The following PLPP1 variants were observed in gnomAD, a reference collection of about 807,000 sequenced individuals.
The protein encoded by PLPP1 is lipid phosphate phosphohydrolase 1a.
A neutral mutation model predicts 31.2 loss-of-function variants in PLPP1; 24 were observed. That is an observed-to-expected ratio of 0.77 (90% CI 0.56 to 1.08). The LOEUF is 1.08. PLPP1 is among the 50% of genes least tolerant of loss of function. The probability of loss-of-function intolerance (pLI) is 0.00; values close to 1 mark genes in which losing one functional copy is unlikely to be tolerated. For missense variants in PLPP1, 319 were observed against 342.7 expected, an observed-to-expected ratio of 0.93 and a Z score of 0.55; for synonymous variants, 146 against 126.3, an observed-to-expected ratio of 1.16 and a Z score of -1.05.
At chr5:55,425,838 G>A (rs762194640) in intron 5 of PLPP1, 25 bp downstream of exon 5, 4 of 1,518,250 alleles carry the variant, frequency 2.6e-6, no homozygotes, top group Non-Finnish European at 2.6e-6. Context: ...ATATCAAGAT[G>A]TAGGCTGTTG....
At chr5:55,428,600 A>T (rs1206169673) in intron 4 of PLPP1, among the ~76,000 whole-genome samples, 1 of 152,212 alleles carries the variant, frequency 6.6e-6, no homozygotes, top group Non-Finnish European at 1.5e-5. Context: ...GACTTCCTTT[A>T]AAAGAAAGTC....
intron 3 of PLPP1, among the ~76,000 whole-genome samples, chr5:55,443,192 A>AAAAAAAAAAAAAAAATAT: frequency 7.9e-4 from 20 of 25,420 alleles, no homozygotes; most frequent in South Asian, 2.5e-3. Context: ...AAAAAAAAAA[A>AAAAAAAAAAAAAAAATAT]ATATATATAT....
chr5:55,440,722 T>C (rs1751603080), intron 4 of PLPP1, among the ~76,000 whole-genome samples: 1 of 152,260 alleles, frequency 6.6e-6, no homozygotes, highest in African/African-American at 2.4e-5. Flanking sequence ...TTTTAATGTT[T>C]GGAATTTGTT....
intron 2 of PLPP1, 67 bp from the exon 3 acceptor site, chr5:55,468,216 A>AG (rs1561234766): frequency 1.4e-6 from 2 of 1,382,064 alleles, no homozygotes; most frequent in Admixed American, 2.3e-5. Context: ...AACAAAACAT[A>AG]GGGGGAAAAA....
intron 1 of PLPP1, chr5:55,530,195 A>G (rs1059389): frequency 3.0e-6 from 4 of 1,339,774 alleles, no homozygotes; most frequent in African/African-American, 1.4e-5. Flanking sequence ...CAGCAGTTTG[A>G]CATTGAGTTT....
chr5:55,502,230 T>C (rs1753161392), intron 1 of PLPP1, among the ~76,000 whole-genome samples: 1 of 149,170 alleles, frequency 6.7e-6, no homozygotes. Flanking sequence ...GGCTCATGCC[T>C]GTAATCCCAG....
chr5:55,530,526 A>T, intron 1 of PLPP1: 1 of 1,202,344 alleles, frequency 8.3e-7, no homozygotes, highest in Non-Finnish European at 1.2e-6. Context: ...ATCTTCAGAG[A>T]TCTGAAAGTT....
At chr5:55,485,852 A>T (rs1157045804) in intron 1 of PLPP1, among the ~76,000 whole-genome samples, 1 of 152,178 alleles carries the variant, frequency 6.6e-6, no homozygotes, top group African/African-American at 2.4e-5. Flanking sequence ...AATAAATCAT[A>T]AAACAGTCCC....
At chr5:55,496,065 C>A (rs1379095281) in intron 1 of PLPP1, among the ~76,000 whole-genome samples, 2 of 152,094 alleles carry the variant, frequency 1.3e-5, no homozygotes, top group African/African-American at 4.8e-5. Context: ...ACCATGTTGG[C>A]CAGGCTCATC....
chr5:55,461,928 T>C (rs761758504), intron 3 of PLPP1, among the ~76,000 whole-genome samples: 1 of 151,390 alleles, frequency 6.6e-6, no homozygotes, highest in Non-Finnish European at 1.5e-5. Context: ...TCAAAACAAT[T>C]GGAAATTGAT....
chr5:55,460,309 A>G (rs1403057751), intron 3 of PLPP1, among the ~76,000 whole-genome samples: 2 of 152,212 alleles, frequency 1.3e-5, no homozygotes, highest in Admixed American at 6.5e-5. Flanking sequence ...AGGAGAAAGT[A>G]AATAAAAATA....
rs1561227143 is a variant in PLPP1 at position 55,448,087 on chromosome 5, G to A, written c.492-6179C>T. Among the ~76,000 whole-genome samples, 5 of 152,216 alleles carry A rather than the reference G, an allele frequency of 3.3e-5. No individual in the cohort carries two copies. In the South Asian group the frequency reaches 6.2e-4, roughly 19 times the overall value. On this transcript the variant is annotated intron_variant, in intron 3 of 5. Coordinates refer to ENST00000307259, the MANE Select transcript of PLPP1 (RefSeq NM_003711.4). ...AATGTCCTGTACAAATGCTACAAAT[G>A]GATATATGAGCAATGACCTCTTAAT...
At chr5:55,512,443 C>T (rs1296874561) in intron 1 of PLPP1, among the ~76,000 whole-genome samples, 2 of 145,110 alleles carry the variant, frequency 1.4e-5, no homozygotes, top group East Asian at 4.1e-4. Context: ...TGCACTCCAG[C>T]CTGGGCAACA....
chr5:55,455,069 T>C (rs572136939), intron 3 of PLPP1, among the ~76,000 whole-genome samples: 2 of 152,324 alleles, frequency 1.3e-5, no homozygotes, highest in East Asian at 3.9e-4. Context: ...TTCAATCATA[T>C]ATACTGCAAG....
intron 4 of PLPP1, among the ~76,000 whole-genome samples, chr5:55,432,222 C>T (rs564875748): frequency 6.6e-6 from 1 of 151,936 alleles, no homozygotes; most frequent in Admixed American, 6.6e-5. Flanking sequence ...GGACTACCGG[C>T]ATAAGCTACC....
At chr5:55,434,621 T>C (rs908553767) in intron 4 of PLPP1, among the ~76,000 whole-genome samples, 2 of 151,982 alleles carry the variant, frequency 1.3e-5, no homozygotes, top group African/African-American at 4.8e-5. Flanking sequence ...CAGAAATAAG[T>C]CCACGTATTT....
At chr5:55,437,193 A>C (rs1751511894) in intron 4 of PLPP1, among the ~76,000 whole-genome samples, 1 of 152,250 alleles carries the variant, frequency 6.6e-6, no homozygotes, top group South Asian at 2.1e-4. Flanking sequence ...GAAATTTCTG[A>C]AACATTTAAC....
Position 55,534,827 on chromosome 5 carries a change from C to A in PLPP1, c.-198G>T, listed in dbSNP as rs1352768376. 4 of 546,838 alleles carry A rather than the reference C, an allele frequency of 7.3e-6. No individual in the cohort carries two copies. Among genetic ancestry groups the A allele is most frequent in the Non-Finnish European group, 1.3e-5 (4 of 317,448 alleles). 33.9% of individuals were successfully genotyped at this position (546,838 alleles called of 1,614,324 possible). On this transcript the variant is annotated 5_prime_UTR_variant, in exon 1 of 6. Transcript: ENST00000307259. Reference sequence around the variant, plus strand: ...GCCAGCAATGGCGCCCGGGGCCCTCCCCTCACAGCCCCCGCGAACACTCGG... The same window carrying A: ...GCCAGCAATGGCGCCCGGGGCCCTCACCTCACAGCCCCCGCGAACACTCGG...
rs1219933219 is a variant in PLPP1 at position 55,515,915 on chromosome 5, C to A, written c.58+18657G>T. 2.6e-5 allele frequency among the ~76,000 whole-genome samples: 4 copies of A among 152,156 alleles called. No homozygotes were observed. In the East Asian group the frequency reaches 7.7e-4, roughly 29 times the overall value. On this transcript the variant is annotated intron_variant, in intron 1 of 5. Transcript: ENST00000307259. Reference sequence around the variant, plus strand: ...CTGACCATTCCTCTGAGCTCTAGAACCATTATCCAAACAAGAACTTGGTAC... The same window carrying A: ...CTGACCATTCCTCTGAGCTCTAGAAACATTATCCAAACAAGAACTTGGTAC...
Sources: allele counts gnomAD v4.1 joint callset (sites outside exome capture counted in the v4.1 genomes callset), GRCh38; gene constraint gnomAD v4.1.1; transcripts MANE v1.5; gene names NCBI Gene and HGNC (gene_info 2026-07-23, HGNC 2026-07-21).